CPSF1: variants seen among roughly 807,000 people sequenced by gnomAD.
The protein encoded by CPSF1 is cleavage and polyadenylation specificity factor subunit 1.
In CPSF1, 106 loss-of-function variants were observed where a neutral mutation model predicts 175.8. That is an observed-to-expected ratio of 0.60 (90% CI 0.52 to 0.71). CPSF1 has a LOEUF of 0.71. CPSF1 is among the 30% of genes least tolerant of loss of function. CPSF1 has a pLI of 0.00. For synonymous variants in CPSF1, 1,024 were observed against 858.3 expected, an observed-to-expected ratio of 1.19 and a Z score of -3.37; for missense variants, 1,734 against 2,022.9, an observed-to-expected ratio of 0.86 and a Z score of 2.74.
At position 144,395,242 on chromosome 8, in the gene CPSF1, G is replaced by A. The variant is rs781925156; in HGVS notation, c.3187+23C>T. 1.7e-5 allele frequency: 27 copies of A among 1,612,986 alleles called. No individual in the cohort carries two copies. In the South Asian group the frequency reaches 2.6e-4, roughly 16 times the overall value. On this transcript the variant is annotated intron_variant, in intron 28 of 37. Transcript: ENST00000616140. Reference sequence around the variant, plus strand: ...TTCCCCAAGATGCGGCTGAGGATGGGAGTATGGTGTGGGCGTCACCACCTC... The same window carrying A: ...TTCCCCAAGATGCGGCTGAGGATGGAAGTATGGTGTGGGCGTCACCACCTC...
intron 2 of CPSF1, among the ~76,000 whole-genome samples, chr8:144,402,263 G>A (rs1000327769): frequency 5.3e-5 from 8 of 152,174 alleles, no homozygotes; most frequent in African/African-American, 1.7e-4. Flanking sequence ...ATATGCCATT[G>A]CCTCAAGGCA....
chr8:144,394,199 C>T, intron 33 of CPSF1, 35 bp downstream of exon 33: 2 of 1,611,892 alleles, frequency 1.2e-6, no homozygotes, highest in Admixed American at 1.7e-5. Flanking sequence ...CGGCCACCCC[C>T]AGAGCCTCAG....
At position 144,396,875 on chromosome 8, in the gene CPSF1, G is replaced by C. The variant is rs1820791528; in HGVS notation, c.2647C>G (p.Leu883Val). The C allele has an allele frequency of 6.2e-7, 1 of 1,614,026 alleles. No homozygotes were observed. Among genetic ancestry groups the C allele is most frequent in the South Asian group, 1.1e-5 (1 of 91,080 alleles). Residue 883 changes from leucine to valine, a missense_variant, in exon 24 of 38, where the codon CTC becomes GTC. Transcript: ENST00000616140. ...CGGACTTTGAGATTGCCCTGGCCGAGCTGAGAGTCGTGGGGGAAGGCCTCG... is the reference window on the plus strand; with the variant it reads ...CGGACTTTGAGATTGCCCTGGCCGACCTGAGAGTCGTGGGGGAAGGCCTCG... The part of the protein sequence containing the change: ...IYEAFPHDSQ[L>V]GQGNLKVRFK...
chr8:144,403,839 C>G (rs550730074), intron 2 of CPSF1, among the ~76,000 whole-genome samples: 1 of 151,864 alleles, frequency 6.6e-6, no homozygotes, highest in Admixed American at 6.6e-5. Context: ...CATGAGCCAC[C>G]GCGCCCAACT....
chr8:144,400,125 C>T (rs2116870581), intron 9 of CPSF1, 40 bp from the exon 10 acceptor site: 2 of 1,433,742 alleles, frequency 1.4e-6, no homozygotes, highest in Admixed American at 4.4e-5. Flanking sequence ...CAGGCCCAAG[C>T]CGTCCCCGGG....
chr8:144,404,794 C>A (rs1276545520), intron 2 of CPSF1, among the ~76,000 whole-genome samples: 3 of 151,860 alleles, frequency 2.0e-5, no homozygotes, highest in East Asian at 1.9e-4. Flanking sequence ...TGGTGGCTCA[C>A]GCCTGTAATC....
In CPSF1 at chr8:144,393,944, C is replaced by T. The variant is rs782397246; in HGVS notation, c.3954G>A (p.Gly1318=). Residue 1318 remains glycine, a synonymous_variant, in exon 35 of 38, where the codon GGG becomes GGA. Transcript: ENST00000616140. ...VNTFWRTPCR[G]ATEGLSKKSV... ...ACTTTTTGCTGAGCCCTTCAGTGGC[C>T]CCCCGGCACGGGGTCCTCCAGAACG... 1.2e-6 allele frequency: 2 copies of T among 1,613,518 alleles called. No homozygotes were observed. The highest frequency in any genetic ancestry group is 1.7e-5 in the Admixed American group (1 of 59,964).
At position 144,409,189 on chromosome 8, in the gene CPSF1, G is replaced by C. The variant is rs1455648346; in HGVS notation, c.-14-17C>G. The C allele has an allele frequency of 7.6e-6, 12 of 1,571,578 alleles. No individual in the cohort carries two copies. In the East Asian group the frequency reaches 2.4e-4, roughly 31 times the overall value. On this transcript the variant is annotated splice_polypyrimidine_tract_variant and intron_variant, in intron 1 of 37. Coordinates refer to ENST00000616140, the MANE Select transcript of CPSF1 (RefSeq NM_013291.3). ...CAACCCGGGCTGCGCAAGGCCGGGA[G>C]AGGAAGGGTGAGCGGGGTCGCCCAC...
chr8:144,403,363 G>C (rs190844248), intron 2 of CPSF1, among the ~76,000 whole-genome samples: 3 of 152,196 alleles, frequency 2.0e-5, no homozygotes, highest in Non-Finnish European at 4.4e-5. Context: ...CAAAGCGCTG[G>C]GATTACAGGC....
At chr8:144,397,062 G>A (rs1455747202) in intron 23 of CPSF1, 133 bp from the exon 24 acceptor site, 4 of 917,914 alleles carry the variant, frequency 4.4e-6, no homozygotes, top group South Asian at 1.6e-5. Flanking sequence ...AAGGGGCGGG[G>A]CTGTGAGGGA....
rs2116894908 is a variant in CPSF1, at chr8:144,403,469, G to A, written c.145-1796C>T. Among the ~76,000 whole-genome samples, 29 of 152,062 alleles carry A rather than the reference G, an allele frequency of 1.9e-4. No homozygotes were observed. The East Asian group carries it at 4.8e-3, about 25-fold the overall frequency. On this transcript the variant is annotated intron_variant, in intron 2 of 37. Coordinates refer to ENST00000616140, the MANE Select transcript of CPSF1 (RefSeq NM_013291.3). ...AGCAATCATGTTTCACTGCAGCCTC[G>A]ACCTCCTGGGCTTAGGTGATCCTCC...
At position 144,409,274 on chromosome 8, in the gene CPSF1, C is replaced by G. The variant is rs1256320168; in HGVS notation, c.-15+15G>C. On this transcript the variant is annotated intron_variant, in intron 1 of 37. Coordinates refer to ENST00000616140, the MANE Select transcript of CPSF1 (RefSeq NM_013291.3). ...GCCTCGCGCTGCCGCCTCGGCCGCC[C>G]GCCCGGCCGCCCACCTGGCAGTTGG... 1.1e-5 allele frequency: 11 copies of G among 975,716 alleles called. No individual in the cohort carries two copies. The highest frequency in any genetic ancestry group is 1.4e-5 in the Non-Finnish European group (11 of 766,906). The allele number at this position is 975,716 out of a possible 1,614,324, so 60.4% of individuals were successfully genotyped here.
chr8:144,401,066 C>G lies in CPSF1; in HGVS notation c.397G>C (p.Val133Leu), dbSNP rs2116881118. 7 of 1,605,954 alleles carry G rather than the reference C, an allele frequency of 4.4e-6. No individual in the cohort carries two copies. The highest frequency in any genetic ancestry group is 1.3e-5 in the African/African-American group (1 of 74,934). ...ACTCGCGGCGTGTGTACATTCTGCA[C>G]AAACCCGTCCTGGGGGCAGAGGGGG... is the stretch of plus-strand genomic sequence containing the variant. ...FEEPELRDGF[V>L]QNVHTPRVRV... Residue 133 changes from valine to leucine, a missense_variant, in exon 6 of 38, where the codon GTG (valine) becomes CTG (leucine). Coordinates refer to ENST00000616140, the MANE Select transcript of CPSF1 (RefSeq NM_013291.3).
Position 144,399,805 on chromosome 8 carries a change from C to G in CPSF1, c.1095G>C (p.Ala365=), listed in dbSNP as rs2116866424. 4 of 1,562,394 alleles carry G rather than the reference C, an allele frequency of 2.6e-6. No individual in the cohort carries two copies. Among genetic ancestry groups the G allele is most frequent in the East Asian group, 2.4e-5 (1 of 41,704 alleles). Reference sequence around the variant, plus strand: ...CGCTGGTGGTGAGGACGCTGGCGGCCGCCTTGTCAAAGTGGAACGCTCGGA... The same window carrying G: ...CGCTGGTGGTGAGGACGCTGGCGGCGGCCTTGTCAAAGTGGAACGCTCGGA... ...RSVRAFHFDK[A]AASVLTTSMV... is the part of the protein sequence containing the mutation. Residue 365 remains alanine, a synonymous_variant, in exon 11 of 38, where the codon GCG becomes GCC. Transcript: ENST00000616140. The surrounding 1 kb of genome is among the most constrained non-coding windows in gnomAD (Gnocchi z 6.4).
At position 144,399,979 on chromosome 8, in the gene CPSF1, G is replaced by C; in HGVS notation, c.1031+13C>G. 1 of 1,609,958 alleles carries C rather than the reference G, an allele frequency of 6.2e-7. No homozygotes were observed. The highest frequency in any genetic ancestry group is 8.5e-7 in the Non-Finnish European group (1 of 1,178,440). On this transcript the variant is annotated intron_variant, in intron 10 of 37. Transcript: ENST00000616140. The surrounding 1 kb of genome is among the most constrained non-coding windows in gnomAD (Gnocchi z 6.4). ...CGGTGTGGGCAGAGTTCATGGGCGGGGGAGGGGCTCACATCTCGCCGCCCT... is the reference window on the plus strand; with the variant it reads ...CGGTGTGGGCAGAGTTCATGGGCGGCGGAGGGGCTCACATCTCGCCGCCCT...
chr8:144,399,528 T>C lies in CPSF1; in HGVS notation c.1243-25A>G. The C allele has an allele frequency of 1.2e-6, 2 of 1,612,246 alleles. No individual in the cohort carries two copies. Among genetic ancestry groups the C allele is most frequent in the Non-Finnish European group, 1.7e-6 (2 of 1,179,600 alleles). The stretch of plus-strand genomic sequence containing the variant: ...CCTGTGAGGCAGGAGGGGCACTGAG[T>C]GGCATGCCACAGCAGTGCCCACATG... On this transcript the variant is annotated intron_variant, in intron 12 of 37. Coordinates refer to ENST00000616140, the MANE Select transcript of CPSF1 (RefSeq NM_013291.3). The surrounding 1 kb of genome is among the most constrained non-coding windows in gnomAD (Gnocchi z 6.4).
chr8:144,394,895 G>A lies in CPSF1; in HGVS notation c.3401C>T (p.Thr1134Met). ...CTGGCCCCTTACCCGCCCTCGGCAC[G>A]TGACCTCCTCCCCCTGCATGAGGCA... ...GTCLMQGEEV[T>M]CRGRILIMDV... Residue 1134 changes from threonine to methionine, a missense_variant, in exon 30 of 38, where the codon ACG (threonine) becomes ATG (methionine). By Grantham distance (81) the Thr-to-Met change is moderately conservative. Coordinates refer to ENST00000616140, the MANE Select transcript of CPSF1 (RefSeq NM_013291.3). 1 of 1,611,944 alleles carries A rather than the reference G, an allele frequency of 6.2e-7. No individual in the cohort carries two copies. Among genetic ancestry groups the A allele is most frequent in the Non-Finnish European group, 8.5e-7 (1 of 1,179,428 alleles).
At position 144,394,005 on chromosome 8, in the gene CPSF1, C is replaced by T. The variant is rs782315301; in HGVS notation, c.3893G>A (p.Arg1298His). Residue 1298 changes from arginine (R) to histidine (H), a missense_variant, in exon 35 of 38, where the codon CGT (arginine) becomes CAT (histidine). Arg to His is a conservative substitution (Grantham distance 29, BLOSUM62 0). Around this residue, in one of 10 missense-constraint regions of CPSF1, gnomAD observed 323 missense variants for 338.5 expected, o/e 0.95. Transcript: ENST00000616140. ...KESFGGMRLL[R>H]RADFHVGAHV... ...GGCACCCACGTGGAAGTCTGCCCGA[C>T]GCAGCAGGCGCATGCCCCCGAAACT... The T allele has an allele frequency of 9.3e-6, 15 of 1,612,674 alleles. No individual in the cohort carries two copies. The highest frequency in any genetic ancestry group is 4.4e-5 in the South Asian group (4 of 91,024).
Position 144,397,288 on chromosome 8 carries a change from G to A in CPSF1, c.2511C>T (p.Ala837=). 1.3e-6 allele frequency: 2 copies of A among 1,550,230 alleles called. No individual in the cohort carries two copies. Among genetic ancestry groups the A allele is most frequent in the Non-Finnish European group, 1.7e-6 (2 of 1,147,404 alleles). The change falls in exon 23 of 38, where the codon GCC becomes GCT. Residue 837 remains alanine (A), a synonymous_variant. Transcript: ENST00000616140. ...CGAGGGGCAGCTCCCCCTGGCGCGT[G>A]GCCTCCTCCCTGCGGGCCTCGCCCT... is the stretch of plus-strand genomic sequence containing the variant. The part of the protein sequence containing the change: ...TTQGEARREE[A]TRQGELPLVK...
Sources: allele counts gnomAD v4.1 joint callset (sites outside exome capture counted in the v4.1 genomes callset), GRCh38; gene constraint gnomAD v4.1.1; regional missense constraint gnomAD v4.1.1; non-coding constraint Gnocchi (gnomAD v3.1); transcripts MANE v1.5; gene names NCBI Gene and HGNC (gene_info 2026-07-23, HGNC 2026-07-21).